CDH1: variants seen among roughly 807,000 people sequenced by gnomAD.
The protein encoded by CDH1 is cadherin 1.
In CDH1, 35 loss-of-function variants were observed where a neutral mutation model predicts 84.5. That is an observed-to-expected ratio of 0.41 (90% CI 0.32 to 0.55). CDH1 has a LOEUF of 0.55. CDH1 is among the 20% of genes least tolerant of loss of function. The pLI is 0.19. For synonymous variants in CDH1, 417 were observed against 439.0 expected (o/e 0.95, Z 0.63); for missense variants, 994 against 1,126.6 (o/e 0.88, Z 1.68).
At chr16:68,774,417 G>T (rs995737755) in intron 2 of CDH1, among the ~76,000 whole-genome samples, 2 of 152,132 alleles carry the variant, frequency 1.3e-5, no homozygotes, top group African/African-American at 4.8e-5. Flanking sequence ...CTGCTCAGGA[G>T]GCCAAGATAG....
chr16:68,761,958 C>A (rs552790614), intron 2 of CDH1, among the ~76,000 whole-genome samples: 1 of 152,200 alleles, frequency 6.6e-6, no homozygotes, highest in Non-Finnish European at 1.5e-5. Context: ...TAGCCCAGAT[C>A]CACCGGCTGC....
chr16:68,811,664 A>C lies in CDH1; in HGVS notation c.833-20A>C, dbSNP rs1057521024. ...CAAAGTGCAGCTTGTCTAAACCTTC[A>C]TCTCCTTGAACTCTTCCAGGAACCT... On this transcript the variant is annotated intron_variant, in intron 6 of 15. Coordinates refer to ENST00000261769, the MANE Select transcript of CDH1 (RefSeq NM_004360.5). 1.9e-6 allele frequency: 3 copies of C among 1,612,788 alleles called. No homozygotes were observed. The highest frequency in any genetic ancestry group is 2.5e-6 in the Non-Finnish European group (3 of 1,179,114).
intron 10 of CDH1, among the ~76,000 whole-genome samples, chr16:68,817,986 C>A (rs1961024313): frequency 6.6e-6 from 1 of 152,056 alleles, no homozygotes; most frequent in Non-Finnish European, 1.5e-5. Flanking sequence ...CACCTGCAAT[C>A]CCAGTGCTTT....
chr16:68,770,621 G>GC (rs1959545098), intron 2 of CDH1, among the ~76,000 whole-genome samples: 1 of 151,914 alleles, frequency 6.6e-6, no homozygotes, highest in Non-Finnish European at 1.5e-5. Context: ...GGGTAGTGGT[G>GC]CAGGGCCCCT....
Position 68,738,369 on chromosome 16 carries a change from G to T in CDH1, c.121G>T (p.Val41Leu), listed in dbSNP as rs786202465. The change falls in exon 2 of 16, where the codon GTG (valine) becomes TTG (leucine). Residue 41 changes from valine to leucine, a missense_variant. Val to Leu is a conservative substitution (Grantham distance 32). Around this residue, in one of 3 missense-constraint regions of CDH1, gnomAD observed 203 missense variants for 194.0 expected, o/e 1.05. Coordinates refer to ENST00000261769, the MANE Select transcript of CDH1 (RefSeq NM_004360.5). ...TGACGCCGAGAGCTACACGTTCACG[G>T]TGCCCCGGCGCCACCTGGAGAGAGG... ...GFDAESYTFT[V>L]PRRHLERGRV... 1 of 1,551,078 alleles carries T rather than the reference G, an allele frequency of 6.4e-7. No homozygotes were observed. The highest frequency in any genetic ancestry group is 8.7e-7 in the Non-Finnish European group (1 of 1,146,716).
At chr16:68,782,179 G>T (rs956581198) in intron 2 of CDH1, among the ~76,000 whole-genome samples, 2 of 152,174 alleles carry the variant, frequency 1.3e-5, no homozygotes, top group African/African-American at 2.4e-5. Context: ...ACACCCAAAG[G>T]CAGGAGTGGC....
intron 2 of CDH1, among the ~76,000 whole-genome samples, chr16:68,793,654 G>A (rs1960272164): frequency 1.3e-5 from 2 of 152,308 alleles, no homozygotes; most frequent in Admixed American, 1.3e-4. Context: ...CACTTGGGGA[G>A]GCCAAGGCGG....
intron 6 of CDH1, among the ~76,000 whole-genome samples, chr16:68,810,743 G>C (rs1307267185): frequency 6.6e-6 from 1 of 151,828 alleles, no homozygotes; most frequent in African/African-American, 2.4e-5. Context: ...GCGGGGGCCT[G>C]TAATCCCAGC....
chr16:68,814,569 G>A (rs1960932204), intron 9 of CDH1: 1 of 152,124 alleles, frequency 6.6e-6, no homozygotes, highest in African/African-American at 2.4e-5. Context: ...AAATCAAGAA[G>A]CTGTTACACA....
In CDH1 at chr16:68,827,361, G is replaced by T. The variant is rs1048814872; in HGVS notation, c.2165-813G>T. Among the ~76,000 whole-genome samples, 3 of 136,194 alleles carry T rather than the reference G, an allele frequency of 2.2e-5. No individual in the cohort carries two copies. The East Asian group carries it at 6.3e-4, about 29-fold the overall frequency. The allele number at this position is 136,194 out of a possible 152,430, so 89.3% of individuals were successfully genotyped here. On this transcript the variant is annotated intron_variant, in intron 13 of 15. Coordinates refer to ENST00000261769, the MANE Select transcript of CDH1 (RefSeq NM_004360.5). ...GGGCACCCATGGATAGAAAACACAT[G>T]GAATCTTTTTTTTTTTCATTCACAG... is the stretch of plus-strand genomic sequence containing the variant.
At chr16:68,795,952 A>C (rs899009413) in intron 2 of CDH1, among the ~76,000 whole-genome samples, 3 of 151,702 alleles carry the variant, frequency 2.0e-5, no homozygotes, top group Non-Finnish European at 4.4e-5. Context: ...TCACAAGGTC[A>C]GGAGTTCGAG....
intron 2 of CDH1, among the ~76,000 whole-genome samples, chr16:68,789,556 TCC>T: frequency 6.6e-6 from 1 of 151,700 alleles, no homozygotes; most frequent in Non-Finnish European, 1.5e-5. Context: ...CGAAACATAA[TCC>T]ACATAGCATA....
intron 2 of CDH1, among the ~76,000 whole-genome samples, chr16:68,784,844 A>G (rs1460199926): frequency 6.6e-6 from 1 of 150,924 alleles, no homozygotes; most frequent in Non-Finnish European, 1.5e-5. Context: ...TCCTAGGTCC[A>G]GTGTTTCCTG....
chr16:68,749,463 C>T (rs941817559), intron 2 of CDH1, among the ~76,000 whole-genome samples: 1 of 152,170 alleles, frequency 6.6e-6, no homozygotes, highest in African/African-American at 2.4e-5. Flanking sequence ...AGAGAGTTTT[C>T]AGAGACCTCA....
chr16:68,834,120 C>T lies in CDH1; in HGVS notation c.*621C>T, dbSNP rs33956791. On this transcript the variant is annotated 3_prime_UTR_variant, in exon 16 of 16. Coordinates refer to ENST00000261769, the MANE Select transcript of CDH1 (RefSeq NM_004360.5). ...CACAGGCATGCACCACTACGCATGACTAATTTTTTAAATATTTGAGACGGG... is the reference window on the plus strand; with the variant it reads ...CACAGGCATGCACCACTACGCATGATTAATTTTTTAAATATTTGAGACGGG... 5,578 of 438,914 alleles carry T rather than the reference C, an allele frequency of 0.013. 122 individuals are homozygous for T. Among genetic ancestry groups the T allele is most frequent in the Middle Eastern group, 0.12 (353 of 2,922 alleles). The allele number at this position is 438,914 out of a possible 1,614,324, so 27.2% of individuals were successfully genotyped here. A position where few individuals can be genotyped will look rare whatever the true frequency, so the allele number is the denominator to read the frequency against.
chr16:68,772,632 C>G (rs529067118), intron 2 of CDH1, among the ~76,000 whole-genome samples: 1 of 152,162 alleles, frequency 6.6e-6, no homozygotes, highest in South Asian at 2.1e-4. Flanking sequence ...GTCAAATTGC[C>G]CATGAAAAAC....
chr16:68,823,588 C>A lies in CDH1; in HGVS notation c.2126C>A (p.Ala709Asp), dbSNP rs2152139610. 6.2e-7 allele frequency: 1 copy of A among 1,613,442 alleles called. No homozygotes were observed. The highest frequency in any genetic ancestry group is 1.1e-5 in the South Asian group (1 of 91,066). ...GTCGAAGCAGGATTGCAAATTCCTGCCATTCTGGGGATTCTTGGAGGAATT... is the reference window on the plus strand; with the variant it reads ...GTCGAAGCAGGATTGCAAATTCCTGACATTCTGGGGATTCTTGGAGGAATT... ...QPVEAGLQIP[A>D]ILGILGGILA... Residue 709 changes from alanine to aspartate, a missense_variant, in exon 13 of 16, where the codon GCC becomes GAC. By Grantham distance (126) the Ala-to-Asp change is moderately radical (BLOSUM62 -2). This residue lies in a region of CDH1 where 769 missense variants were observed against 881.8 expected (regional missense o/e 0.87). Coordinates refer to ENST00000261769, the MANE Select transcript of CDH1 (RefSeq NM_004360.5).
chr16:68,803,940 C>T (rs935585504), intron 3 of CDH1, among the ~76,000 whole-genome samples: 4 of 152,022 alleles, frequency 2.6e-5, no homozygotes, highest in African/African-American at 9.7e-5. Context: ...CTCCGCCATC[C>T]TCAGCACATG....
At position 68,795,668 on chromosome 16, in the gene CDH1, G is replaced by A. The variant is rs1309109188; in HGVS notation, c.164-6002G>A. Among the ~76,000 whole-genome samples the A allele has an allele frequency of 2.0e-4, 30 of 151,572 alleles. 1 individual carries two copies. Among genetic ancestry groups the A allele is most frequent in the Non-Finnish European group, 4.4e-4 (30 of 67,912 alleles). ...CGCCACCATGCCTGGCTAATTTTTT[G>A]TATTTTCAGTAGAGACGGGGTTTCA... On this transcript the variant is annotated intron_variant, in intron 2 of 15. Transcript: ENST00000261769.
Sources: allele counts gnomAD v4.1 joint callset (sites outside exome capture counted in the v4.1 genomes callset), GRCh38; gene constraint gnomAD v4.1.1; regional missense constraint gnomAD v4.1.1; transcripts MANE v1.5; gene names NCBI Gene and HGNC (gene_info 2026-07-23, HGNC 2026-07-21).